Variants in HLTF observed in about 807,000 individuals in gnomAD.
HLTF encodes helicase like transcription factor, also known as DNA-dependent ATPase/E3 ubiquitin-protein ligase HLTF.
HLTF carries 127 observed loss-of-function variants against 129.4 expected under a neutral mutation model. That is an observed-to-expected ratio of 0.98 (90% confidence interval 0.85 to 1.14). The LOEUF (loss-of-function observed/expected upper bound fraction) is 1.14. Ranked by LOEUF, HLTF falls within the 50% of genes most tolerant of loss-of-function variation. The pLI is 0.00. For synonymous variants in HLTF, 332 were observed against 388.8 expected (o/e 0.85, Z 1.72); for missense variants, 1,139 against 1,187.1 (o/e 0.96, Z 0.60).
intron 17 of HLTF, 149 bp downstream of exon 17, chr3:149,047,879 A>G: frequency 2.1e-6 from 1 of 483,066 alleles, no homozygotes; most frequent in Non-Finnish European, 3.5e-6. Flanking sequence ...AAGCATCACT[A>G]GGTTCTGAAA....
In HLTF at chr3:149,074,327, G is replaced by C; in HGVS notation, c.417C>G (p.Asn139Lys). Residue 139 changes from asparagine (N) to lysine (K), a missense_variant, in exon 4 of 25, where the codon AAC (asparagine) becomes AAG (lysine). Transcript: ENST00000310053. ...QIEGVVPFGA[N>K]NAFTMPLHMT... ...TATGCAGAGGCATGGTAAAAGCATTGTTTGCACCAAAAGGAACTACCCTAT... is the reference window on the plus strand; with the variant it reads ...TATGCAGAGGCATGGTAAAAGCATTCTTTGCACCAAAAGGAACTACCCTAT... The C allele has an allele frequency of 3.1e-6, 5 of 1,612,356 alleles. No individual in the cohort carries two copies. Among genetic ancestry groups the C allele is most frequent in the Non-Finnish European group, 4.2e-6 (5 of 1,179,286 alleles).
At chr3:149,054,002 T>C (rs1204129045) in intron 14 of HLTF, among the ~76,000 whole-genome samples, 1 of 151,832 alleles carries the variant, frequency 6.6e-6, no homozygotes, top group Non-Finnish European at 1.5e-5. Context: ...AGAGGAAAAA[T>C]GATACACTTA....
intron 10 of HLTF, chr3:149,062,918 A>T: frequency 4.1e-6 from 1 of 245,994 alleles, no homozygotes; most frequent in South Asian, 4.8e-5. Flanking sequence ...TTTCTTTTAT[A>T]GGTCAGTATC....
Position 149,050,363 on chromosome 3 carries a change from G to A in HLTF, c.1486C>T (p.Gln496Ter). 1 of 1,565,812 alleles carries A rather than the reference G, an allele frequency of 6.4e-7. No individual in the cohort carries two copies. Among genetic ancestry groups the A allele is most frequent in the East Asian group, 2.3e-5 (1 of 43,714 alleles). ...AAGTGTACATCTGATTTTATATGTT[G>A]TCCAAACTGGTCCTAAAGAAAAATT... ...VLSNWIDQFG[Q>*]HIKSDVHLNF... Residue 496 changes from glutamine (Q) to a stop codon, truncating the protein, a stop_gained, in exon 15 of 25, where the codon CAA becomes TAA. Transcript: ENST00000310053. LOFTEE classifies it high-confidence loss of function.
intron 17 of HLTF, 118 bp downstream of exon 17, chr3:149,047,908 TAA>T: frequency 1.3e-6 from 1 of 750,568 alleles, no homozygotes; most frequent in East Asian, 2.8e-5. Flanking sequence ...TACTGAGCCA[TAA>T]ACACTTTTTA....
intron 14 of HLTF, among the ~76,000 whole-genome samples, 181 bp from the exon 15 acceptor site, chr3:149,050,556 T>C (rs1177540691): frequency 6.6e-6 from 1 of 152,212 alleles, no homozygotes; most frequent in East Asian, 1.9e-4. Flanking sequence ...ACATACACAG[T>C]AATAATAAAT....
At chr3:149,043,889 T>C (rs115743986) in intron 18 of HLTF, among the ~76,000 whole-genome samples, 2,113 of 152,296 alleles carry the variant, frequency 0.014, 46 homozygotes, top group African/African-American at 0.048. Context: ...TTTAATTTAA[T>C]ACATGTAAAG....
chr3:149,086,356 AGAG>A lies in HLTF; in HGVS notation c.-23_-21del, dbSNP rs780223585. ...GGACATGGCGCTGAGTGGGATGACA[AGAG>A]GAGCGCCTCGGCTCCCCTGGATCGT... On this transcript the variant is annotated 5_prime_UTR_variant, in exon 1 of 25. Transcript: ENST00000310053. 15 of 1,584,200 alleles carry A rather than the reference AGAG, an allele frequency of 9.5e-6. No homozygotes were observed. The highest frequency in any genetic ancestry group is 1.8e-5 in the Admixed American group (1 of 55,782).
At chr3:149,061,104 C>T (rs903150636) in intron 10 of HLTF, among the ~76,000 whole-genome samples, 1 of 152,156 alleles carries the variant, frequency 6.6e-6, no homozygotes, top group Non-Finnish European at 1.5e-5. Flanking sequence ...GGGTCTCACT[C>T]TTTTGCCCAG....
intron 18 of HLTF, among the ~76,000 whole-genome samples, chr3:149,042,559 C>T (rs113483664): frequency 0.05 from 7,578 of 152,118 alleles, 542 homozygotes; most frequent in African/African-American, 0.16. Context: ...GCTGCCAAAA[C>T]ACAATTCTTT....
Position 149,032,112 on chromosome 3 carries a change from C to T in HLTF, c.*108G>A. The T allele has an allele frequency of 4.1e-6, 3 of 739,766 alleles. No homozygotes were observed. The Admixed American group carries it at 1.0e-4, about 25-fold the overall frequency. 45.8% of individuals were successfully genotyped at this position (739,766 alleles called of 1,614,324 possible). A position where few individuals can be genotyped will look rare whatever the true frequency, so the allele number is the denominator to read the frequency against. On this transcript the variant is annotated 3_prime_UTR_variant, in exon 25 of 25. Transcript: ENST00000310053. Reference sequence around the variant, plus strand: ...TACCTCTTCACTAATATAAAATATGCCCCTTTTAGAAGACGTGTTCTCTAG... The same window carrying T: ...TACCTCTTCACTAATATAAAATATGTCCCTTTTAGAAGACGTGTTCTCTAG...
Position 149,071,331 on chromosome 3 carries a change from T to A in HLTF, c.815A>T (p.Tyr272Phe). The A allele has an allele frequency of 2.5e-6, 4 of 1,612,700 alleles. No homozygotes were observed. The South Asian group carries it at 4.4e-5, about 18-fold the overall frequency. ...PFWEQRNDLYYNTITNFSEKD... is the reference protein window; with the variant it reads ...PFWEQRNDLYFNTITNFSEKD... ...CTCAGAAAAATTTGTTATTGTGTTATAGTATAAGTCATTTCGCTGTTCCCA... is the reference window on the plus strand; with the variant it reads ...CTCAGAAAAATTTGTTATTGTGTTAAAGTATAAGTCATTTCGCTGTTCCCA... The change falls in exon 7 of 25, where the codon TAT (tyrosine) becomes TTT (phenylalanine). Residue 272 changes from tyrosine (Y) to phenylalanine (F), a missense_variant. Tyr to Phe is a conservative substitution (Grantham distance 22, BLOSUM62 3). Transcript: ENST00000310053.
intron 14 of HLTF, among the ~76,000 whole-genome samples, chr3:149,053,730 T>C (rs900915832): frequency 7.2e-5 from 11 of 152,320 alleles, no homozygotes; most frequent in African/African-American, 2.6e-4. Flanking sequence ...TTCTGAACTT[T>C]ACATTACTTG....
At chr3:149,073,117 T>C (rs1719018074) in intron 5 of HLTF, 108 bp downstream of exon 5, 4 of 537,554 alleles carry the variant, frequency 7.4e-6, no homozygotes, top group Non-Finnish European at 9.8e-6. Context: ...ACTTAATATA[T>C]TTGAAGACCA....
At chr3:149,075,760 A>C in intron 3 of HLTF, 121 bp downstream of exon 3, 1 of 545,746 alleles carries the variant, frequency 1.8e-6, no homozygotes, top group Non-Finnish European at 3.1e-6. Flanking sequence ...TTTAACACGT[A>C]CCAAAAGTAC....
At chr3:149,053,110 G>C (rs750209857) in intron 14 of HLTF, among the ~76,000 whole-genome samples, 3 of 152,156 alleles carry the variant, frequency 2.0e-5, no homozygotes, top group Non-Finnish European at 4.4e-5. Flanking sequence ...GTCAGTTCTA[G>C]CCTGCTCTGT....
intron 14 of HLTF, among the ~76,000 whole-genome samples, chr3:149,052,919 A>T (rs1226618902): frequency 1.3e-5 from 2 of 152,176 alleles, no homozygotes; most frequent in Non-Finnish European, 2.9e-5. Flanking sequence ...CCATCTCTAG[A>T]CAGTGTTAGG....
rs746982688 is a variant in HLTF at position 149,064,844 on chromosome 3, G to C, written c.1013C>G (p.Ser338Cys). The change falls in exon 9 of 25, where the codon TCT becomes TGT. Residue 338 changes from serine to cysteine, a missense_variant. Transcript: ENST00000310053. ...GGTATTGTTTCCTCCAAGTTTCATA[G>C]AGTCATCGTTAACATTATATTCCTG... is the stretch of plus-strand genomic sequence containing the variant. ...LKKEYNVNDD[S>C]MKLGGNNTSE... 1.3e-6 allele frequency: 2 copies of C among 1,596,490 alleles called. No individual in the cohort carries two copies. Among genetic ancestry groups the C allele is most frequent in the East Asian group, 4.5e-5 (2 of 44,656 alleles).
intron 22 of HLTF, 55 bp from the exon 23 acceptor site, chr3:149,039,284 A>T: frequency 8.0e-7 from 1 of 1,257,566 alleles, no homozygotes; most frequent in Non-Finnish European, 1.1e-6. Context: ...TAAAAATAAA[A>T]CAAAGTTAAG....
Sources: gnomAD v4.1 joint callset for allele counts (sites outside exome capture counted in the v4.1 genomes callset) on GRCh38, gnomAD v4.1.1 for gene constraint, MANE v1.5 for transcripts, NCBI Gene and HGNC (gene_info 2026-07-23, HGNC 2026-07-21) for gene names.